INSM1: variants seen among roughly 807,000 people sequenced by gnomAD.
The protein encoded by INSM1 is INSM transcriptional repressor 1, also known as insulinoma-associated protein 1.
Under a neutral mutation model 21.1 loss-of-function variants are expected in INSM1, and 11 were observed. The ratio of observed to expected loss-of-function variants is 0.52; its 90% CI spans 0.33 to 0.86. The LOEUF is 0.86. INSM1 is among the 40% of genes least tolerant of loss of function. The pLI is 0.03. For synonymous variants in INSM1, 473 were observed against 386.1 expected, an observed-to-expected ratio of 1.23 and a Z score of -2.64; for missense variants, 843 against 760.1, an observed-to-expected ratio of 1.11 and a Z score of -1.28.
In INSM1 at chr20:20,369,378, C is replaced by G; in HGVS notation, c.1111C>G (p.His371Asp). ...CGAGGACGGGCTCTACGAGTGCCAT[C>G]ACTGCGCCAAGAAGTTCCGCCGCCA... ...GSEDGLYECHHCAKKFRRQAY... is the reference protein window; with the variant it reads ...GSEDGLYECHDCAKKFRRQAY... Residue 371 changes from histidine (H) to aspartate (D), a missense_variant, in exon 1 of 1, where the codon CAC (histidine) becomes GAC (aspartate). Physicochemically the swap from His to Asp is moderately conservative, Grantham distance 81. Transcript: ENST00000310227. The surrounding 1 kb of genome is among the most constrained non-coding windows in gnomAD (Gnocchi z 5.6). 6.5e-7 allele frequency: 1 copy of G among 1,547,220 alleles called. No individual in the cohort carries two copies. Among genetic ancestry groups the G allele is most frequent in the Non-Finnish European group, 8.6e-7 (1 of 1,158,174 alleles).
At position 20,369,983 on chromosome 20, in the gene INSM1, GAC is replaced by G. The variant is rs2059494078; in HGVS notation, c.*184_*185del. ...GACGGTAACCCCATACTCTCCTTTT[GAC>G]TCCTTTTGGAACCCCCACTTTTACG... On this transcript the variant is annotated 3_prime_UTR_variant, in exon 1 of 1. Transcript: ENST00000310227. This position sits in a 1 kb window ranked among gnomAD's most constrained non-coding sequence, Gnocchi z 5.6. 1 of 580,894 alleles carries G rather than the reference GAC, an allele frequency of 1.7e-6. No individual in the cohort carries two copies. The highest frequency in any genetic ancestry group is 2.0e-5 in the African/African-American group (1 of 51,254). 36.0% of individuals were successfully genotyped at this position (580,894 alleles called of 1,614,324 possible). A position where few individuals can be genotyped will look rare whatever the true frequency, so the allele number is the denominator to read the frequency against.
Position 20,369,552 on chromosome 20 carries a change from G to T in INSM1, c.1285G>T (p.Ala429Ser), listed in dbSNP as rs370307027. The T allele has an allele frequency of 1.3e-6, 2 of 1,579,916 alleles. No homozygotes were observed. Among genetic ancestry groups the T allele is most frequent in the Non-Finnish European group, 1.7e-6 (2 of 1,170,708 alleles). The change falls in exon 1 of 1, where the codon GCC (alanine) becomes TCC (serine). Residue 429 changes from alanine to serine, a missense_variant. Transcript: ENST00000310227. The surrounding 1 kb of genome is among the most constrained non-coding windows in gnomAD (Gnocchi z 5.6). ...GGAGGCGGCCGGCGACGGCGAGGGGGCCGGCGTGCTGGGCCTGAGTGCGTC... is the reference window on the plus strand; with the variant it reads ...GGAGGCGGCCGGCGACGGCGAGGGGTCCGGCGTGCTGGGCCTGAGTGCGTC... ...PQEAAGDGEG[A>S]GVLGLSASAE...
Position 20,369,905 on chromosome 20 carries a change from G to A in INSM1, c.*105G>A. On this transcript the variant is annotated 3_prime_UTR_variant, in exon 1 of 1. Coordinates refer to ENST00000310227, the MANE Select transcript of INSM1 (RefSeq NM_002196.3). The surrounding 1 kb of genome is among the most constrained non-coding windows in gnomAD (Gnocchi z 5.6). Reference sequence around the variant, plus strand: ...CCCGAGTCCGCGCTGGGGGAGCCTCGCCCCCGCCCCCACCGGGTGAAAGTG... The same window carrying A: ...CCCGAGTCCGCGCTGGGGGAGCCTCACCCCCGCCCCCACCGGGTGAAAGTG... 2 of 922,660 alleles carry A rather than the reference G, an allele frequency of 2.2e-6. No homozygotes were observed. Among genetic ancestry groups the A allele is most frequent in the Non-Finnish European group, 3.2e-6 (2 of 627,476 alleles). The allele number at this position is 922,660 out of a possible 1,614,324, so 57.2% of individuals were successfully genotyped here.
Position 20,368,522 on chromosome 20 carries a change from CGCGCACTTCGGCAACCCCGAGGCT to C in INSM1, c.262_285del (p.Phe88_His95del). 1.6e-6 allele frequency: 2 copies of C among 1,278,430 alleles called. No homozygotes were observed. Among genetic ancestry groups the C allele is most frequent in the Non-Finnish European group, 2.0e-6 (2 of 994,386 alleles). 79.2% of individuals were successfully genotyped at this position (1,278,430 alleles called of 1,614,324 possible). ...AGCCACCCCCGCAGGGCCCGCGGGC[CGCGCACTTCGGCAACCCCGAGGCT>C]GCGCACCCCGCGCCGCTCTACAGTC... On this transcript the variant is annotated inframe_deletion, in exon 1 of 1. Coordinates refer to ENST00000310227, the MANE Select transcript of INSM1 (RefSeq NM_002196.3). This position sits in a 1 kb window ranked among gnomAD's most constrained non-coding sequence, Gnocchi z 4.3.
chr20:20,368,848 C>G lies in INSM1; in HGVS notation c.581C>G (p.Ala194Gly). The G allele has an allele frequency of 1.5e-6, 2 of 1,313,806 alleles. No individual in the cohort carries two copies. Among genetic ancestry groups the G allele is most frequent in the South Asian group, 1.9e-5 (1 of 52,218 alleles). The allele number at this position is 1,313,806 out of a possible 1,614,324, so 81.4% of individuals were successfully genotyped here. ...GPGPPLPPAA[A>G]LRPPGKRPPP... The stretch of plus-strand genomic sequence containing the variant: ...GGCCCCCCACTGCCCCCTGCCGCCG[C>G]CCTGCGGCCCCCGGGAAAGCGGCCC... The change falls in exon 1 of 1, where the codon GCC (alanine) becomes GGC (glycine). Residue 194 changes from alanine (A) to glycine (G), a missense_variant. By Grantham distance (60) the Ala-to-Gly change is moderately conservative (BLOSUM62 0). Coordinates refer to ENST00000310227, the MANE Select transcript of INSM1 (RefSeq NM_002196.3). The surrounding 1 kb of genome is among the most constrained non-coding windows in gnomAD (Gnocchi z 4.3).
At position 20,369,360 on chromosome 20, in the gene INSM1, G is replaced by C; in HGVS notation, c.1093G>C (p.Gly365Arg). The change falls in exon 1 of 1, where the codon GGG becomes CGG. Residue 365 changes from glycine to arginine, a missense_variant. By Grantham distance (125) the Gly-to-Arg change is moderately radical. Transcript: ENST00000310227. This position sits in a 1 kb window ranked among gnomAD's most constrained non-coding sequence, Gnocchi z 5.6. ...CGTGTCCGAGTCGGGCTCCGAGGAC[G>C]GGCTCTACGAGTGCCATCACTGCGC... ...GGVSESGSED[G>R]LYECHHCAKK... 2 of 1,504,546 alleles carry C rather than the reference G, an allele frequency of 1.3e-6. No individual in the cohort carries two copies. Among genetic ancestry groups the C allele is most frequent in the Non-Finnish European group, 1.8e-6 (2 of 1,140,020 alleles). The allele number at this position is 1,504,546 out of a possible 1,614,324, so 93.2% of individuals were successfully genotyped here.
In INSM1 at chr20:20,370,406, G is replaced by C. The variant is rs1569343710; in HGVS notation, c.*606G>C. The C allele has an allele frequency of 1.2e-5, 2 of 167,022 alleles. No homozygotes were observed. 10.3% of individuals were successfully genotyped at this position (167,022 alleles called of 1,614,324 possible). ...TCTTTAGTATAGCCACAAATGCCTT[G>C]AACTGTTGTCTGGGATTGTTTTGTG... On this transcript the variant is annotated 3_prime_UTR_variant, in exon 1 of 1. Transcript: ENST00000310227.
Position 20,369,820 on chromosome 20 carries a change from C to G in INSM1, c.*20C>G, listed in dbSNP as rs757721985. The stretch of plus-strand genomic sequence containing the variant: ...TGCTAGAGCGCGCCCTCCACCCCGG[C>G]CCCCGAACTGTGCCTTCGCTTGGAG... On this transcript the variant is annotated 3_prime_UTR_variant, in exon 1 of 1. Transcript: ENST00000310227. This position sits in a 1 kb window ranked among gnomAD's most constrained non-coding sequence, Gnocchi z 5.6. The G allele has an allele frequency of 4.5e-6, 7 of 1,566,568 alleles. No individual in the cohort carries two copies. In the African/African-American group the frequency reaches 8.1e-5, roughly 18 times the overall value.
chr20:20,368,144 T>G lies in INSM1; in HGVS notation c.-124T>G. ...CAGGGCGCAGAGCTGGGCCGAGCCG[T>G]CGCCGGCGCCACGCGAGTCCCGCAG... On this transcript the variant is annotated 5_prime_UTR_variant, in exon 1 of 1. Coordinates refer to ENST00000310227, the MANE Select transcript of INSM1 (RefSeq NM_002196.3). This position sits in a 1 kb window ranked among gnomAD's most constrained non-coding sequence, Gnocchi z 4.3. The G allele has an allele frequency of 1.4e-6, 1 of 696,608 alleles. No individual in the cohort carries two copies. Among genetic ancestry groups the G allele is most frequent in the Non-Finnish European group, 1.8e-6 (1 of 556,916 alleles). 43.2% of individuals were successfully genotyped at this position (696,608 alleles called of 1,614,324 possible). A position where few individuals can be genotyped will look rare whatever the true frequency, so the allele number is the denominator to read the frequency against.
chr20:20,369,044 C>A lies in INSM1; in HGVS notation c.777C>A (p.Gly259=), dbSNP rs759369820. ...AGGCGCCGCGGGGCCGCGCGGGGGGCGCGGCGCGGCCGCTGGGCGAGTTCA... is the reference window on the plus strand; with the variant it reads ...AGGCGCCGCGGGGCCGCGCGGGGGGAGCGGCGCGGCCGCTGGGCGAGTTCA... ...PVEAPRGRAG[G]AARPLGEFIC... The change falls in exon 1 of 1, where the codon GGC becomes GGA. Residue 259 remains glycine, a synonymous_variant. Coordinates refer to ENST00000310227, the MANE Select transcript of INSM1 (RefSeq NM_002196.3). The surrounding 1 kb of genome is among the most constrained non-coding windows in gnomAD (Gnocchi z 5.6). The A allele has an allele frequency of 4.5e-6, 7 of 1,546,294 alleles. No individual in the cohort carries two copies. In the East Asian group the frequency reaches 9.8e-5, roughly 22 times the overall value.
At position 20,368,340 on chromosome 20, in the gene INSM1, G is replaced by A; in HGVS notation, c.73G>A (p.Asp25Asn). ...TTCCTACCGGGTCCGCGGCGGCGAG[G>A]ACGGCGACCGCGCACTGCTGCTCTC... is the stretch of plus-strand genomic sequence containing the variant. ...PVSYRVRGGE[D>N]GDRALLLSPS... The change falls in exon 1 of 1, where the codon GAC (aspartate) becomes AAC (asparagine). Residue 25 changes from aspartate to asparagine, a missense_variant. Transcript: ENST00000310227. The surrounding 1 kb of genome is among the most constrained non-coding windows in gnomAD (Gnocchi z 4.3). 1.6e-6 allele frequency: 2 copies of A among 1,271,020 alleles called. No individual in the cohort carries two copies. Among genetic ancestry groups the A allele is most frequent in the Non-Finnish European group, 2.0e-6 (2 of 990,802 alleles). The allele number at this position is 1,271,020 out of a possible 1,614,324, so 78.7% of individuals were successfully genotyped here.
Position 20,369,038 on chromosome 20 carries a change from G to T in INSM1, c.771G>T (p.Ala257=), listed in dbSNP as rs2059488061. ...CGGTGGAGGCGCCGCGGGGCCGCGCGGGGGGCGCGGCGCGGCCGCTGGGCG... is the reference window on the plus strand; with the variant it reads ...CGGTGGAGGCGCCGCGGGGCCGCGCTGGGGGCGCGGCGCGGCCGCTGGGCG... ...EGPVEAPRGR[A]GGAARPLGEF... Residue 257 remains alanine (A), a synonymous_variant, in exon 1 of 1, where the codon GCG becomes GCT. Coordinates refer to ENST00000310227, the MANE Select transcript of INSM1 (RefSeq NM_002196.3). This position sits in a 1 kb window ranked among gnomAD's most constrained non-coding sequence, Gnocchi z 5.6. 1 of 1,542,528 alleles carries T rather than the reference G, an allele frequency of 6.5e-7. No individual in the cohort carries two copies. Among genetic ancestry groups the T allele is most frequent in the South Asian group, 1.2e-5 (1 of 82,582 alleles).
At position 20,369,547 on chromosome 20, in the gene INSM1, A is replaced by ATCTC; in HGVS notation, c.1280_1281insTCTC (p.Glu427AspfsTer128). 1 of 1,575,648 alleles carries ATCTC rather than the reference A, an allele frequency of 6.3e-7. No individual in the cohort carries two copies. Among genetic ancestry groups the ATCTC allele is most frequent in the Admixed American group, 1.8e-5 (1 of 56,226 alleles). ...CCCCAGGAGGCGGCCGGCGACGGCG[A>ATCTC]GGGGGCCGGCGTGCTGGGCCTGAGT... On this transcript the variant is annotated frameshift_variant, in exon 1 of 1. Coordinates refer to ENST00000310227, the MANE Select transcript of INSM1 (RefSeq NM_002196.3). LOFTEE classifies it high-confidence loss of function. The surrounding 1 kb of genome is among the most constrained non-coding windows in gnomAD (Gnocchi z 5.6).
Position 20,370,697 on chromosome 20 carries a change from A to G in INSM1, c.*897A>G, listed in dbSNP as rs930447084. ...CATTCCACTGTGCGTTTTAGAAGAG[A>G]GCCTTTTTCTAAAGGGATCTGCTTA... is the stretch of plus-strand genomic sequence containing the variant. On this transcript the variant is annotated 3_prime_UTR_variant, in exon 1 of 1. Coordinates refer to ENST00000310227, the MANE Select transcript of INSM1 (RefSeq NM_002196.3). 1 of 166,984 alleles carries G rather than the reference A, an allele frequency of 6.0e-6. No homozygotes were observed. Among genetic ancestry groups the G allele is most frequent in the Non-Finnish European group, 1.5e-5 (1 of 68,126 alleles). 10.3% of individuals were successfully genotyped at this position (166,984 alleles called of 1,614,324 possible).
At position 20,370,460 on chromosome 20, in the gene INSM1, G is replaced by A; in HGVS notation, c.*660G>A. The A allele has an allele frequency of 1.2e-5, 2 of 167,102 alleles. No homozygotes were observed. 10.4% of individuals were successfully genotyped at this position (167,102 alleles called of 1,614,324 possible). ...GGAGGGAAGGGAGTGTTCCGAAGAT[G>A]CTGTAGTAACTGCCTCAGTGTTTCA... On this transcript the variant is annotated 3_prime_UTR_variant, in exon 1 of 1. Coordinates refer to ENST00000310227, the MANE Select transcript of INSM1 (RefSeq NM_002196.3).
rs1254731966 is a variant in INSM1, at chr20:20,369,935, C to T, written c.*135C>T. 1.4e-6 allele frequency: 1 copy of T among 723,370 alleles called. No individual in the cohort carries two copies. The highest frequency in any genetic ancestry group is 2.3e-6 in the Non-Finnish European group (1 of 442,798). The allele number at this position is 723,370 out of a possible 1,614,324, so 44.8% of individuals were successfully genotyped here. A position where few individuals can be genotyped will look rare whatever the true frequency, so the allele number is the denominator to read the frequency against. On this transcript the variant is annotated 3_prime_UTR_variant, in exon 1 of 1. Coordinates refer to ENST00000310227, the MANE Select transcript of INSM1 (RefSeq NM_002196.3). The surrounding 1 kb of genome is among the most constrained non-coding windows in gnomAD (Gnocchi z 5.6). ...CGCCCCCACCGGGTGAAAGTGTCGT[C>T]TCCGCTTCTCTCGGTGTGGCGTGAC...
Position 20,369,059 on chromosome 20 carries a change from G to A in INSM1, c.792G>A (p.Leu264=). 1 of 1,569,116 alleles carries A rather than the reference G, an allele frequency of 6.4e-7. No homozygotes were observed. The highest frequency in any genetic ancestry group is 1.9e-5 in the Admixed American group (1 of 53,296). The change falls in exon 1 of 1, where the codon CTG becomes CTA. Residue 264 remains leucine (L), a synonymous_variant. Transcript: ENST00000310227. This position sits in a 1 kb window ranked among gnomAD's most constrained non-coding sequence, Gnocchi z 5.6. ...GCGCGGGGGGCGCGGCGCGGCCGCT[G>A]GGCGAGTTCATCTGCCAGCTGTGCA... ...RGRAGGAARP[L]GEFICQLCKE...
chr20:20,368,966 C>G lies in INSM1; in HGVS notation c.699C>G (p.Asp233Glu). The change falls in exon 1 of 1, where the codon GAC (aspartate) becomes GAG (glutamate). Residue 233 changes from aspartate to glutamate, a missense_variant. Transcript: ENST00000310227. This position sits in a 1 kb window ranked among gnomAD's most constrained non-coding sequence, Gnocchi z 4.3. ...PKAIRKLHFE[D>E]EVTTSPVLGL... ...CCATCCGCAAGCTGCACTTCGAGGA[C>G]GAGGTGACCACGTCGCCCGTGCTGG... The G allele has an allele frequency of 6.4e-7, 1 of 1,555,990 alleles. No homozygotes were observed. The highest frequency in any genetic ancestry group is 1.2e-5 in the South Asian group (1 of 84,672).
chr20:20,369,881 C>A lies in INSM1; in HGVS notation c.*81C>A. 1.6e-6 allele frequency: 2 copies of A among 1,266,428 alleles called. No individual in the cohort carries two copies. Among genetic ancestry groups the A allele is most frequent in the African/African-American group, 1.5e-5 (1 of 64,980 alleles). 78.4% of individuals were successfully genotyped at this position (1,266,428 alleles called of 1,614,324 possible). A position where few individuals can be genotyped will look rare whatever the true frequency, so the allele number is the denominator to read the frequency against. ...AGAGTGCGCCCTGCACTCCCCGAAC[C>A]CGAGTCCGCGCTGGGGGAGCCTCGC... On this transcript the variant is annotated 3_prime_UTR_variant, in exon 1 of 1. Transcript: ENST00000310227. This position sits in a 1 kb window ranked among gnomAD's most constrained non-coding sequence, Gnocchi z 5.6.
Sources: gnomAD v4.1 joint callset for allele counts on GRCh38, gnomAD v4.1.1 for gene constraint, Gnocchi (gnomAD v3.1) non-coding constraint, MANE v1.5 for transcripts, NCBI Gene and HGNC (gene_info 2026-07-23, HGNC 2026-07-21) for gene names.